The following WNT7A variants were observed in gnomAD, a reference collection of about 807,000 sequenced individuals.
WNT7A encodes the protein Wnt family member 7A, also known as protein Wnt-7a.
Under a neutral mutation model 28.2 loss-of-function variants are expected in WNT7A, and 16 were observed. That is an observed-to-expected ratio of 0.57 (90% CI 0.38 to 0.86). The LOEUF (loss-of-function observed/expected upper bound fraction) is 0.86. Ranked by LOEUF, WNT7A falls within the 40% of genes least tolerant of loss-of-function variation. WNT7A has a pLI of 0.00. For missense variants in WNT7A, 411 were observed against 489.7 expected, an observed-to-expected ratio of 0.84 and a Z score of 1.52; for synonymous variants, 190 against 195.9, an observed-to-expected ratio of 0.97 and a Z score of 0.25.
chr3:13,859,939 C>T (rs1219910325), intron 2 of WNT7A, among the ~76,000 whole-genome samples: 1 of 152,202 alleles, frequency 6.6e-6, no homozygotes, highest in East Asian at 1.9e-4. Flanking sequence ...CCAAGAGGAT[C>T]TAACCAGGCA....
In WNT7A at chr3:13,817,457, CACACACACACACA is replaced by C. The variant is rs1559292410; in HGVS notation, c.*1474_*1486del. On this transcript the variant is annotated 3_prime_UTR_variant, in exon 4 of 4. Transcript: ENST00000285018. Reference sequence around the variant, plus strand: ...ACACACACACACACACACACACACACACACACACACACACCGGAAATGCAAACGGACACATATT... The same window carrying C: ...ACACACACACACACACACACACACACCCGGAAATGCAAACGGACACATATT... The C allele has an allele frequency of 2.8e-3, 353 of 127,708 alleles. 1 individual carries two copies. The highest frequency in any genetic ancestry group is 0.011 in the African/African-American group (325 of 30,926). 7.9% of individuals were successfully genotyped at this position (127,708 alleles called of 1,614,324 possible). A position where few individuals can be genotyped will look rare whatever the true frequency, so the allele number is the denominator to read the frequency against.
rs757346921 is a variant in WNT7A, at chr3:13,819,205, G to A, written c.789C>T (p.Pro263=). Residue 263 remains proline (P), a synonymous_variant, in exon 4 of 4, where the codon CCC becomes CCT. Coordinates refer to ENST00000285018, the MANE Select transcript of WNT7A (RefSeq NM_004625.4). ...KIKKPLSYRK[P]MDTDLVYIEK... ...CGATGTACACCAGGTCCGTGTCCAT[G>A]GGCTTGCGGTACGACAGTGGCTTCT... The A allele has an allele frequency of 1.2e-6, 2 of 1,614,236 alleles. No homozygotes were observed. The highest frequency in any genetic ancestry group is 3.3e-5 in the Admixed American group (2 of 60,034).
chr3:13,848,100 CAT>C (rs1354589724), intron 3 of WNT7A, among the ~76,000 whole-genome samples: 2 of 151,254 alleles, frequency 1.3e-5, no homozygotes, highest in Non-Finnish European at 2.9e-5. Context: ...AAATGCTAAA[CAT>C]AAAACTTTTA....
At chr3:13,830,231 G>A (rs1694259720) in intron 3 of WNT7A, among the ~76,000 whole-genome samples, 1 of 152,136 alleles carries the variant, frequency 6.6e-6, no homozygotes, top group Non-Finnish European at 1.5e-5. Flanking sequence ...GTGGGCCCCG[G>A]TCAAAAAGAT....
At chr3:13,877,796 T>G (rs1165131568) in intron 1 of WNT7A, among the ~76,000 whole-genome samples, 3 of 152,176 alleles carry the variant, frequency 2.0e-5, no homozygotes, top group Non-Finnish European at 4.4e-5. Flanking sequence ...GGTGGTGGTG[T>G]TGTAATTATC....
intron 2 of WNT7A, among the ~76,000 whole-genome samples, chr3:13,866,621 A>T (rs1416282582): frequency 6.6e-6 from 1 of 152,216 alleles, no homozygotes; most frequent in Non-Finnish European, 1.5e-5. Flanking sequence ...ATAGAAAGAC[A>T]GAGGGAGCGA....
At chr3:13,854,505 G>A (rs772850221) in intron 3 of WNT7A, 27 bp downstream of exon 3, 44 of 1,613,596 alleles carry the variant, frequency 2.7e-5, no homozygotes, top group Middle Eastern at 1.6e-4. Flanking sequence ...CGCGAGCGCC[G>A]CCCAGCTGCC....
chr3:13,826,161 G>A (rs1559294924), intron 3 of WNT7A, among the ~76,000 whole-genome samples: 1 of 152,198 alleles, frequency 6.6e-6, no homozygotes, highest in South Asian at 2.1e-4. Context: ...TATGACACAA[G>A]GAGGTGCTGC....
At chr3:13,822,364 A>G (rs1694125519) in intron 3 of WNT7A, among the ~76,000 whole-genome samples, 1 of 152,390 alleles carries the variant, frequency 6.6e-6, no homozygotes, top group African/African-American at 2.4e-5. Context: ...TGAGGTATAC[A>G]GTGGAATGTT....
At chr3:13,856,908 G>GAAGAAGAAGAAA (rs1559303231) in intron 2 of WNT7A, among the ~76,000 whole-genome samples, 1,183 of 74,466 alleles carry the variant, frequency 0.016, 38 homozygotes, top group Non-Finnish European at 0.019. Flanking sequence ...AGAAGAAGAA[G>GAAGAAGAAGAAA]AAGAAGAAGA....
At chr3:13,860,251 G>C (rs1455483912) in intron 2 of WNT7A, among the ~76,000 whole-genome samples, 2 of 152,094 alleles carry the variant, frequency 1.3e-5, no homozygotes, top group African/African-American at 2.4e-5. Flanking sequence ...AGGTCACCCA[G>C]CTAGAAACTG....
intron 3 of WNT7A, among the ~76,000 whole-genome samples, chr3:13,852,308 C>T (rs1007066621): frequency 3.9e-5 from 6 of 152,164 alleles, no homozygotes; most frequent in Non-Finnish European, 5.9e-5. Context: ...AGTGAGGGAG[C>T]GGGTGATAAA....
At chr3:13,824,707 G>A (rs1694165525) in intron 3 of WNT7A, among the ~76,000 whole-genome samples, 2 of 152,174 alleles carry the variant, frequency 1.3e-5, no homozygotes, top group South Asian at 4.1e-4. Flanking sequence ...ATGCCTCTTG[G>A]CCCTGCACAT....
chr3:13,867,098 G>A (rs1017288873), intron 2 of WNT7A, among the ~76,000 whole-genome samples: 7 of 152,166 alleles, frequency 4.6e-5, no homozygotes, highest in Admixed American at 3.9e-4. Flanking sequence ...CTGGAAGCGG[G>A]CAGGGGATGT....
intron 3 of WNT7A, among the ~76,000 whole-genome samples, chr3:13,835,932 C>T (rs1319877843): frequency 6.6e-6 from 1 of 152,190 alleles, no homozygotes; most frequent in Non-Finnish European, 1.5e-5. Flanking sequence ...CAAAAGACCA[C>T]AGCGTGTATG....
chr3:13,836,200 TAAAA>T (rs200750554), intron 3 of WNT7A, among the ~76,000 whole-genome samples: 1 of 134,922 alleles, frequency 7.4e-6, no homozygotes, highest in East Asian at 2.1e-4. Context: ...AGCTGGTTTT[TAAAA>T]AAAAAAAAAA....
At chr3:13,850,215 G>A (rs1395106921) in intron 3 of WNT7A, among the ~76,000 whole-genome samples, 1 of 152,132 alleles carries the variant, frequency 6.6e-6, no homozygotes, top group Admixed American at 6.5e-5. Context: ...AGTCAGCTTC[G>A]GGCTGGGCGG....
intron 2 of WNT7A, among the ~76,000 whole-genome samples, chr3:13,868,203 GA>G (rs532995510): frequency 4.2e-4 from 64 of 152,018 alleles, no homozygotes; most frequent in African/African-American, 1.5e-3. Context: ...TATTATTTAA[GA>G]AAAAAATGGC....
At chr3:13,871,928 C>A (rs1166446625) in intron 2 of WNT7A, among the ~76,000 whole-genome samples, 1 of 152,178 alleles carries the variant, frequency 6.6e-6, no homozygotes, top group African/African-American at 2.4e-5. Flanking sequence ...GCTCCTGGCA[C>A]TTCCCCTTCA....
Sources: allele counts gnomAD v4.1 joint callset (sites outside exome capture counted in the v4.1 genomes callset), GRCh38; gene constraint gnomAD v4.1.1; transcripts MANE v1.5; gene names NCBI Gene and HGNC (gene_info 2026-07-23, HGNC 2026-07-21).